CFAP43: variants seen among roughly 807,000 people sequenced by gnomAD.
CFAP43 encodes the protein cilia- and flagella-associated protein 43.
In CFAP43, 155 loss-of-function variants were observed where a neutral mutation model predicts 218.9. The observed-to-expected ratio is 0.71, with a 90% CI of 0.62 to 0.81. The LOEUF (loss-of-function observed/expected upper bound fraction) is 0.81, where lower values mean the gene tolerates loss of function less well. Among genes scored for constraint, CFAP43 ranks in the 30% least tolerant of loss-of-function variants. The pLI, the probability that CFAP43 is intolerant of heterozygous loss-of-function variation, is 0.00. For missense variants in CFAP43, 1,778 were observed against 1,954.3 expected (o/e 0.91, Z 1.70); for synonymous variants, 645 against 681.3 (o/e 0.95, Z 0.83).
chr10:104,200,083 G>A (rs2090487829), intron 8 of CFAP43, among the ~76,000 whole-genome samples: 1 of 152,180 alleles, frequency 6.6e-6, no homozygotes, highest in African/African-American at 2.4e-5. Flanking sequence ...TCTAGATTAA[G>A]TAAATTTACT....
chr10:104,157,338 C>A (rs778316942), intron 27 of CFAP43, among the ~76,000 whole-genome samples: 1 of 152,076 alleles, frequency 6.6e-6, no homozygotes, highest in African/African-American at 2.4e-5. Flanking sequence ...GACTGCAGAG[C>A]TGTAGAAGTA....
intron 6 of CFAP43, among the ~76,000 whole-genome samples, chr10:104,206,985 C>A (rs1008700820): frequency 6.6e-6 from 1 of 152,086 alleles, no homozygotes. Context: ...ATCAGCCGGG[C>A]CAACATGACG....
At position 104,130,179 on chromosome 10, in the gene CFAP43, C is replaced by T; in HGVS notation, c.4958G>A (p.Arg1653Lys). 2 of 1,606,118 alleles carry T rather than the reference C, an allele frequency of 1.2e-6. No individual in the cohort carries two copies. Among genetic ancestry groups the T allele is most frequent in the Non-Finnish European group, 1.7e-6 (2 of 1,177,760 alleles). The change falls in exon 38 of 38, where the codon AGA (arginine) becomes AAA (lysine). Residue 1653 changes from arginine to lysine, a missense_variant. Physicochemically the swap from Arg to Lys is conservative, Grantham distance 26. Coordinates refer to ENST00000357060, the MANE Select transcript of CFAP43 (RefSeq NM_025145.7). ...QISILQTEVE[R>K]LRMKTFPALV... ...AGCAGGAAATGTTTTCATTCTTAAT[C>T]TTTCAACTTCAGTCTGTAGTATTGA...
At chr10:104,178,913 A>T in intron 19 of CFAP43, 116 bp downstream of exon 19, 1 of 643,300 alleles carries the variant, frequency 1.6e-6, no homozygotes, top group South Asian at 3.0e-5. Context: ...CAGAAAACTG[A>T]GCTTACAAGC....
At chr10:104,183,127 G>T (rs913200708) in intron 16 of CFAP43, among the ~76,000 whole-genome samples, 1 of 152,112 alleles carries the variant, frequency 6.6e-6, no homozygotes, top group Non-Finnish European at 1.5e-5. Flanking sequence ...ATTGAGAGTG[G>T]TATTATTACT....
chr10:104,137,680 C>G (rs566816509), intron 34 of CFAP43, among the ~76,000 whole-genome samples: 1 of 152,070 alleles, frequency 6.6e-6, no homozygotes, highest in South Asian at 2.1e-4. Flanking sequence ...TGTGGTGGCA[C>G]GTGCCTGTAA....
intron 3 of CFAP43, among the ~76,000 whole-genome samples, chr10:104,223,903 C>T (rs11191956): frequency 0.13 from 19,180 of 152,000 alleles, 1,327 homozygotes; most frequent in South Asian, 0.21. Context: ...GAAAGAAGCC[C>T]GACAAAAGAA....
intron 27 of CFAP43, among the ~76,000 whole-genome samples, chr10:104,159,917 G>A (rs187095111): frequency 1.5e-4 from 23 of 152,234 alleles, no homozygotes; most frequent in Non-Finnish European, 2.1e-4. Flanking sequence ...ATGCAGATTC[G>A]CATTCAAGTG....
intron 12 of CFAP43, among the ~76,000 whole-genome samples, chr10:104,188,630 T>A (rs897792990): frequency 2.0e-5 from 3 of 152,146 alleles, no homozygotes; most frequent in Non-Finnish European, 2.9e-5. Flanking sequence ...ACTGGCAGAT[T>A]TAAACCAGCC....
In CFAP43 at chr10:104,187,308, G is replaced by A. The variant is rs899605005; in HGVS notation, c.1860+12C>T. 6.3e-7 allele frequency: 1 copy of A among 1,590,852 alleles called. No homozygotes were observed. The highest frequency in any genetic ancestry group is 1.7e-4 in the Middle Eastern group (1 of 5,956). The stretch of plus-strand genomic sequence containing the variant: ...CTAAGATAAATGAGAGCACACTTAA[G>A]TGTTGACATACTTCTTCAGGAAGAA... On this transcript the variant is annotated intron_variant, in intron 14 of 37. Coordinates refer to ENST00000357060, the MANE Select transcript of CFAP43 (RefSeq NM_025145.7).
intron 27 of CFAP43, among the ~76,000 whole-genome samples, chr10:104,158,643 T>A (rs1242525853): frequency 6.6e-6 from 1 of 152,056 alleles, no homozygotes. Context: ...TAAACACCAA[T>A]AAAAAAAGTT....
At chr10:104,174,353 C>T (rs1445268151) in intron 19 of CFAP43, among the ~76,000 whole-genome samples, 4 of 152,202 alleles carry the variant, frequency 2.6e-5, no homozygotes, top group African/African-American at 9.6e-5. Flanking sequence ...AGGCATGTCT[C>T]ACATGGCAGC....
Position 104,167,725 on chromosome 10 carries a change from G to A in CFAP43, c.2704C>T (p.Pro902Ser), listed in dbSNP as rs2134832516. The change falls in exon 22 of 38, where the codon CCC (proline) becomes TCC (serine). Residue 902 changes from proline to serine, a missense_variant. Transcript: ENST00000357060. Reference sequence around the variant, plus strand: ...ATCGGGAAGTTTTCAACCACACAGGGGATATGAAAACACTTGGGGAAAAAA... The same window carrying A: ...ATCGGGAAGTTTTCAACCACACAGGAGATATGAAAACACTTGGGGAAAAAA... ...KGRALKCFHI[P>S]CVVENFPMKA... The A allele has an allele frequency of 8.1e-6, 13 of 1,604,850 alleles. No individual in the cohort carries two copies. The highest frequency in any genetic ancestry group is 2.7e-5 in the African/African-American group (2 of 74,548).
At chr10:104,143,387 AG>A in intron 32 of CFAP43, 38 bp downstream of exon 32, 1 of 1,537,550 alleles carries the variant, frequency 6.5e-7, no homozygotes. Context: ...ATTTGATATT[AG>A]TACACTAAAA....
chr10:104,196,784 T>G, intron 10 of CFAP43, 69 bp downstream of exon 10: 2 of 1,309,390 alleles, frequency 1.5e-6, no homozygotes, highest in Admixed American at 2.1e-5. Flanking sequence ...TATTGACATG[T>G]GAATATGAAA....
At chr10:104,132,792 C>A in intron 35 of CFAP43, 2 of 984,284 alleles carry the variant, frequency 2.0e-6, no homozygotes, top group Non-Finnish European at 2.4e-6. Flanking sequence ...AAGTGTTGTT[C>A]CACTTGAGTC....
At chr10:104,231,299 G>A (rs528603243) in intron 1 of CFAP43, among the ~76,000 whole-genome samples, 2 of 152,292 alleles carry the variant, frequency 1.3e-5, no homozygotes, top group South Asian at 4.1e-4. Context: ...GTGGTTGTTA[G>A]CAGAGTAGGA....
intron 27 of CFAP43, among the ~76,000 whole-genome samples, chr10:104,155,818 G>T (rs1253041270): frequency 1.3e-5 from 2 of 152,036 alleles, no homozygotes; most frequent in Non-Finnish European, 2.9e-5. Context: ...TCAAGAGTTT[G>T]CTGGGTATCT....
In CFAP43 at chr10:104,172,435, T is replaced by A. The variant is rs2089449748; in HGVS notation, c.2561A>T (p.Asp854Val). ...LDLEELERLH[D>V]ESQEEVAKMI... ...CTTTGCCACTTCTTCCTGACTTTCATCATGAAGCCTTTCTAGTTCCTCAAG... is the reference window on the plus strand; with the variant it reads ...CTTTGCCACTTCTTCCTGACTTTCAACATGAAGCCTTTCTAGTTCCTCAAG... Residue 854 changes from aspartate to valine, a missense_variant, in exon 20 of 38, where the codon GAT becomes GTT. Asp to Val is a radical substitution (Grantham distance 152, BLOSUM62 -3). Transcript: ENST00000357060. The A allele has an allele frequency of 6.2e-7, 1 of 1,609,556 alleles. No individual in the cohort carries two copies. Among genetic ancestry groups the A allele is most frequent in the South Asian group, 1.1e-5 (1 of 89,568 alleles).
Sources: gnomAD v4.1 joint callset for allele counts (sites outside exome capture counted in the v4.1 genomes callset) on GRCh38, gnomAD v4.1.1 for gene constraint, MANE v1.5 for transcripts, NCBI Gene and HGNC (gene_info 2026-07-23, HGNC 2026-07-21) for gene names.